Variants in IRAK1 observed in about 807,000 individuals in gnomAD.
IRAK1 encodes the protein interleukin 1 receptor associated kinase 1.
A neutral mutation model predicts 49.8 loss-of-function variants in IRAK1; 9 were observed. The observed-to-expected ratio is 0.18, with a 90% CI of 0.11 to 0.32. The LOEUF is 0.32. IRAK1 is among the 10% of genes least tolerant of loss of function. The pLI is 1.00. For synonymous variants in IRAK1, 282 were observed against 270.8 expected (o/e 1.04, Z -0.41); for missense variants, 418 against 600.5 (o/e 0.70, Z 3.18).
chrX:154,018,799 G>A lies in IRAK1; in HGVS notation c.541-12C>T. ...CTCTCTGGGCCTGGCTGTGGGAAGA[G>A]AGCCTGGATCAGGTGGGGTCCCTGT... On this transcript the variant is annotated splice_polypyrimidine_tract_variant and intron_variant, in intron 4 of 13. Coordinates refer to ENST00000369980, the MANE Select transcript of IRAK1 (RefSeq NM_001569.4). 1.3e-6 allele frequency: 1 copy of A among 794,728 alleles called. No individual in the cohort carries two copies. The highest frequency in any genetic ancestry group is 1.9e-6 in the Non-Finnish European group (1 of 521,269). The allele number at this position is 794,728 out of a possible 1,213,427, so 65.5% of individuals were successfully genotyped here.
At chrX:154,015,538 G>A (rs1182497495) in intron 10 of IRAK1, among the ~76,000 whole-genome samples, 1 of 112,772 alleles carries the variant, frequency 8.9e-6, no homozygotes, top group Non-Finnish European at 1.9e-5. Context: ...TTGCTGGAAG[G>A]CCACTGTCAG....
intron 13 of IRAK1, 39 bp from the exon 14 acceptor site, chrX:154,011,956 G>C (rs782025465): frequency 8.8e-7 from 1 of 1,130,378 alleles, no homozygotes; most frequent in Non-Finnish European, 1.2e-6. Flanking sequence ...GCAAATGGGG[G>C]AGGCTCCCCT....
Position 154,011,372 on chromosome X carries a change from G to C in IRAK1, c.*487C>G. On this transcript the variant is annotated 3_prime_UTR_variant, in exon 14 of 14. Transcript: ENST00000369980. ...CCCAAAGTGCTGGGATTACAGGCGT[G>C]AGCCACCGCACCCGGCCACACTTTT... 1 of 249,380 alleles carries C rather than the reference G, an allele frequency of 4.0e-6. No individual in the cohort carries two copies. Among genetic ancestry groups the C allele is most frequent in the Non-Finnish European group, 7.5e-6 (1 of 132,822 alleles). The allele number at this position is 249,380 out of a possible 1,213,427, so 20.6% of individuals were successfully genotyped here. A position where few individuals can be genotyped will look rare whatever the true frequency, so the allele number is the denominator to read the frequency against.
intron 4 of IRAK1, 83 bp downstream of exon 4, chrX:154,018,892 C>T (rs2065760160): frequency 1.1e-6 from 1 of 907,328 alleles, no homozygotes; most frequent in African/African-American, 2.0e-5. Context: ...CCCAGCTTGG[C>T]TGACTGGGGC....
chrX:154,013,473 G>A, intron 11 of IRAK1, 40 bp from the exon 12 acceptor site: 1 of 1,136,181 alleles, frequency 8.8e-7, no homozygotes, highest in Non-Finnish European at 1.2e-6. Context: ...TGAGATGGCA[G>A]CCCTGGCCGG....
rs372835680 is a variant in IRAK1 at position 154,019,185 on chromosome X, G to A, written c.436+12C>T. The A allele has an allele frequency of 2.2e-5, 27 of 1,209,377 alleles. No homozygotes were observed. The African/African-American group carries it at 4.7e-4, about 21-fold the overall frequency. Reference sequence around the variant, plus strand: ...TTTGGGTCCACCGAGCCTAACAACCGGGCCCTCTTACCTGGGGAGAGGAAG... The same window carrying A: ...TTTGGGTCCACCGAGCCTAACAACCAGGCCCTCTTACCTGGGGAGAGGAAG... On this transcript the variant is annotated intron_variant, in intron 3 of 13. Transcript: ENST00000369980.
rs148273219 is a variant in IRAK1, at chrX:154,016,638, G to A, written c.1035C>T (p.Asn345=). 86 of 1,205,610 alleles carry A rather than the reference G, an allele frequency of 7.1e-5. No homozygotes were observed. The highest frequency in any genetic ancestry group is 3.0e-5 in the East Asian group (1 of 33,768). Residue 345 remains asparagine, a synonymous_variant, in exon 9 of 14, where the codon AAC becomes AAT. Transcript: ENST00000369980. The stretch of plus-strand genomic sequence containing the variant: ...GTGTCAGCCTCTCATCCAGAAGGAC[G>A]TTGGAACTTGGGGAGAGAAGACAGT... ...SLIHGDIKSS[N]VLLDERLTPK...
chrX:154,017,328 C>A (rs2065746511), intron 7 of IRAK1, among the ~76,000 whole-genome samples: 1 of 112,513 alleles, frequency 8.9e-6, no homozygotes. Flanking sequence ...TCCTTGAAGG[C>A]ATTCTTCCCG....
intron 13 of IRAK1, 61 bp from the exon 14 acceptor site, chrX:154,011,978 C>T: frequency 2.9e-6 from 3 of 1,025,066 alleles, no homozygotes; most frequent in Non-Finnish European, 4.1e-6. Context: ...CTGCCAGAAG[C>T]CCTGGCTCAA....
In IRAK1 at chrX:154,019,234, C is replaced by T; in HGVS notation, c.399G>A (p.Arg133=). 1 of 1,209,952 alleles carries T rather than the reference C, an allele frequency of 8.3e-7. No homozygotes were observed. The highest frequency in any genetic ancestry group is 1.1e-6 in the Non-Finnish European group (1 of 894,709). The change falls in exon 3 of 14, where the codon CGG becomes CGA. Residue 133 remains arginine, a synonymous_variant. Transcript: ENST00000369980. ...APAEAEAWSP[R]KLPSSASTFL... ...AGGTGGAGGCTGAGGATGGCAACTT[C>T]CGGGGGCTCCAGGCCTCGGCCTCGG...
rs782674276 is a variant in IRAK1 at position 154,018,430 on chromosome X, C to T, written c.730-75G>A. Reference sequence around the variant, plus strand: ...GTGAGGCTCTCGAAGCGAAGGCCTTCGGGCCACCAGTGCCACCTACCCGAG... The same window carrying T: ...GTGAGGCTCTCGAAGCGAAGGCCTTTGGGCCACCAGTGCCACCTACCCGAG... On this transcript the variant is annotated intron_variant, in intron 5 of 13. Transcript: ENST00000369980. 4.6e-5 allele frequency: 45 copies of T among 982,844 alleles called. No homozygotes were observed. The East Asian group carries it at 7.4e-4, about 16-fold the overall frequency. 81.0% of individuals were successfully genotyped at this position (982,844 alleles called of 1,213,427 possible). A position where few individuals can be genotyped will look rare whatever the true frequency, so the allele number is the denominator to read the frequency against.
intron 8 of IRAK1, 90 bp from the exon 9 acceptor site, chrX:154,016,734 G>C: frequency 1.2e-6 from 1 of 826,397 alleles, no homozygotes; most frequent in Admixed American, 2.7e-5. Context: ...TGCCAGCCCG[G>C]TGCCTTGCCC....
chrX:154,015,174 G>T (rs1206878902), intron 10 of IRAK1, among the ~76,000 whole-genome samples: 1 of 112,158 alleles, frequency 8.9e-6, no homozygotes, highest in African/African-American at 3.2e-5. Context: ...GCGTTGGGGG[G>T]TCAACCACAT....
Position 154,019,037 on chromosome X carries a change from G to C in IRAK1, c.478C>G (p.Leu160Val). The C allele has an allele frequency of 8.3e-7, 1 of 1,210,665 alleles. No homozygotes were observed. The highest frequency in any genetic ancestry group is 1.1e-6 in the Non-Finnish European group (1 of 894,746). The change falls in exon 4 of 14, where the codon CTG (leucine) becomes GTG (valine). Residue 160 changes from leucine to valine, a missense_variant. Transcript: ENST00000369980. ...SQTHSGPELG[L>V]VPSPASLWPP... is the part of the protein sequence containing the mutation. The stretch of plus-strand genomic sequence containing the variant: ...CACAGGGAAGCAGGGCTTGGGACCA[G>C]GCCGAGCTCAGGCCCTGAATGGGTC...
chrX:154,015,130 C>G (rs1171143238), intron 10 of IRAK1, among the ~76,000 whole-genome samples: 1 of 112,245 alleles, frequency 8.9e-6, no homozygotes, highest in African/African-American at 3.2e-5. Context: ...GTGAAGCAGG[C>G]AGCAGGGAGC....
At chrX:154,016,922 CG>C in intron 8 of IRAK1, 26 bp downstream of exon 8, 1 of 1,085,006 alleles carries the variant, frequency 9.2e-7, no homozygotes, top group Non-Finnish European at 1.3e-6. Context: ...GGCCCTGCCC[CG>C]GCAGTTCTCA....
rs868926687 is a variant in IRAK1, at chrX:154,017,033, C to T, written c.944G>A (p.Arg315Gln). Residue 315 changes from arginine (R) to glutamine (Q), a missense_variant, in exon 8 of 14, where the codon CGA (arginine) becomes CAA (glutamine). Physicochemically the swap from Arg to Gln is conservative, Grantham distance 43. Around this residue, in one of 3 missense-constraint regions of IRAK1, gnomAD observed 377 missense variants for 499.5 expected, o/e 0.75. Coordinates refer to ENST00000369980, the MANE Select transcript of IRAK1 (RefSeq NM_001569.4). ...QACPPLSWPQRLDILLGTARA... is the reference protein window; with the variant it reads ...QACPPLSWPQQLDILLGTARA... ...GGCTGTACCCAGAAGGATGTCCAGTCGCTGAGGCCAGGAGAGAGGTGGGCA... is the reference window on the plus strand; with the variant it reads ...GGCTGTACCCAGAAGGATGTCCAGTTGCTGAGGCCAGGAGAGAGGTGGGCA... 2 of 1,208,675 alleles carry T rather than the reference C, an allele frequency of 1.7e-6. No homozygotes were observed. The highest frequency in any genetic ancestry group is 2.2e-6 in the Non-Finnish European group (2 of 893,686).
rs1482409911 is a variant in IRAK1, at chrX:154,018,279, C to T, written c.794+12G>A. Reference sequence around the variant, plus strand: ...CCCACGGGACCTGGTGTGGCTCCCCCTCTGGCCTCACCTGGACAGCTGCTC... The same window carrying T: ...CCCACGGGACCTGGTGTGGCTCCCCTTCTGGCCTCACCTGGACAGCTGCTC... On this transcript the variant is annotated intron_variant, in intron 6 of 13. Coordinates refer to ENST00000369980, the MANE Select transcript of IRAK1 (RefSeq NM_001569.4). 2.9e-5 allele frequency: 33 copies of T among 1,150,631 alleles called. No individual in the cohort carries two copies. The Admixed American group carries it at 6.7e-4, about 23-fold the overall frequency. 94.8% of individuals were successfully genotyped at this position (1,150,631 alleles called of 1,213,427 possible). A position where few individuals can be genotyped will look rare whatever the true frequency, so the allele number is the denominator to read the frequency against.
intron 7 of IRAK1, among the ~76,000 whole-genome samples, chrX:154,017,433 G>A (rs1259875597): frequency 8.0e-5 from 9 of 112,224 alleles, no homozygotes; most frequent in African/African-American, 2.9e-4. Context: ...CGCCTCCGGG[G>A]CTTGCTGATG....
Sources: gnomAD v4.1 joint callset for allele counts (sites outside exome capture counted in the v4.1 genomes callset) on GRCh38, gnomAD v4.1.1 for gene constraint, gnomAD v4.1.1 regional missense constraint, MANE v1.5 for transcripts, NCBI Gene and HGNC (gene_info 2026-07-23, HGNC 2026-07-21) for gene names.